Variants in SEMA6A observed in about 807,000 individuals in gnomAD.
SEMA6A encodes the protein semaphorin-6A.
In SEMA6A, 25 loss-of-function variants were observed where a neutral mutation model predicts 96.8. That is an observed-to-expected ratio of 0.26 (90% CI 0.19 to 0.36). The LOEUF (loss-of-function observed/expected upper bound fraction) is 0.36, where lower values mean the gene tolerates loss of function less well. Among genes scored for constraint, SEMA6A ranks in the 10% least tolerant of loss-of-function variants. The pLI, the probability that SEMA6A is intolerant of heterozygous loss-of-function variation, is 1.00. For synonymous variants in SEMA6A, 612 were observed against 518.0 expected, an observed-to-expected ratio of 1.18 and a Z score of -2.46; for missense variants, 1,363 against 1,323.1, an observed-to-expected ratio of 1.03 and a Z score of -0.47.
chr5:116,509,605 T>TGAGAGAGAGA (rs143399883), intron 1 of SEMA6A, among the ~76,000 whole-genome samples: 15 of 133,830 alleles, frequency 1.1e-4, no homozygotes, highest in African/African-American at 3.0e-4. Context: ...TCTCTGTGTG[T>TGAGAGAGAGA]GTGAGAGAGA....
At chr5:116,476,042 A>G (rs1303952447) in intron 15 of SEMA6A, among the ~76,000 whole-genome samples, 3 of 152,036 alleles carry the variant, frequency 2.0e-5, no homozygotes, top group Non-Finnish European at 4.4e-5. Flanking sequence ...TTGCCTAGAC[A>G]TTTATCTAGC....
At chr5:116,500,968 G>A (rs746050618) in intron 3 of SEMA6A, among the ~76,000 whole-genome samples, 3 of 152,056 alleles carry the variant, frequency 2.0e-5, no homozygotes, top group African/African-American at 4.8e-5. Flanking sequence ...CTGAGATCGC[G>A]CCACTGCACT....
intron 1 of SEMA6A, among the ~76,000 whole-genome samples, chr5:116,553,095 C>T (rs1760482370): frequency 6.6e-6 from 1 of 152,114 alleles, no homozygotes; most frequent in African/African-American, 2.4e-5. Flanking sequence ...GTACATACAG[C>T]ACATATGCAC....
intron 3 of SEMA6A, among the ~76,000 whole-genome samples, chr5:116,499,949 C>A (rs943104716): frequency 1.8e-4 from 27 of 152,144 alleles, no homozygotes; most frequent in African/African-American, 6.3e-4. Context: ...ATTTTTTCCC[C>A]CGGAAACTCA....
chr5:116,543,389 A>T (rs13362514), intron 1 of SEMA6A, among the ~76,000 whole-genome samples: 3,307 of 152,302 alleles, frequency 0.022, 105 homozygotes, highest in African/African-American at 0.076. Context: ...TTCACTGCAG[A>T]TGTGTATTAA....
intron 1 of SEMA6A, among the ~76,000 whole-genome samples, chr5:116,565,606 C>G (rs559582665): frequency 3.2e-4 from 49 of 152,334 alleles, no homozygotes; most frequent in African/African-American, 1.1e-3. Flanking sequence ...TTATCGCTCA[C>G]TATGCAGGAA....
intron 1 of SEMA6A, among the ~76,000 whole-genome samples, chr5:116,555,102 C>G (rs1760559566): frequency 1.3e-5 from 2 of 152,176 alleles, no homozygotes; most frequent in South Asian, 4.1e-4. Context: ...TCCCATTATC[C>G]AGCTCCAGAG....
At chr5:116,550,968 T>A (rs941868214) in intron 1 of SEMA6A, among the ~76,000 whole-genome samples, 2 of 152,120 alleles carry the variant, frequency 1.3e-5, no homozygotes, top group African/African-American at 2.4e-5. Context: ...AATCTAACAT[T>A]GTCAGAAGAG....
rs554423183 is a variant in SEMA6A, at chr5:116,504,391, A to G, written c.100+454T>C. Among the ~76,000 whole-genome samples, 87 of 152,326 alleles carry G rather than the reference A, an allele frequency of 5.7e-4. 1 individual carries two copies. Among genetic ancestry groups the G allele is most frequent in the African/African-American group, 1.9e-3 (79 of 41,566 alleles). ...CTATAAATTAATTTCTCTTTACCAA[A>G]GTCTATTAACTATGTAACTTCTAAG... is the stretch of plus-strand genomic sequence containing the variant. On this transcript the variant is annotated intron_variant, in intron 2 of 18. Transcript: ENST00000343348.
In SEMA6A at chr5:116,497,391, T is replaced by C. The variant is rs764261770; in HGVS notation, c.219-4A>G. On this transcript the variant is annotated splice_polypyrimidine_tract_variant and splice_region_variant and intron_variant, in intron 3 of 18. Coordinates refer to ENST00000343348, the MANE Select transcript of SEMA6A (RefSeq NM_020796.5). ...ATCAACAGTATAAATATGGTCCCTA[T>C]AGGCAAAGAAAAATTAATACAAGGT... 8 of 1,574,572 alleles carry C rather than the reference T, an allele frequency of 5.1e-6. No homozygotes were observed. The highest frequency in any genetic ancestry group is 1.1e-5 in the South Asian group (1 of 88,068).
intron 1 of SEMA6A, among the ~76,000 whole-genome samples, chr5:116,505,270 A>AT (rs1222445165): frequency 1.3e-5 from 2 of 152,138 alleles, no homozygotes; most frequent in African/African-American, 4.8e-5. Flanking sequence ...TTTCACAGTC[A>AT]TGAAACTCTG....
intron 6 of SEMA6A, among the ~76,000 whole-genome samples, chr5:116,493,998 G>A (rs924006664): frequency 2.0e-5 from 3 of 152,006 alleles, no homozygotes; most frequent in Non-Finnish European, 4.4e-5. Context: ...TTTCCTGTCT[G>A]AATTGGTGGC....
chr5:116,525,491 T>C (rs1456099375), intron 1 of SEMA6A, among the ~76,000 whole-genome samples: 1 of 152,190 alleles, frequency 6.6e-6, no homozygotes. Flanking sequence ...GAATTTTGTA[T>C]ACTTGTTTCC....
intron 1 of SEMA6A, among the ~76,000 whole-genome samples, chr5:116,530,988 T>G (rs1266977365): frequency 6.6e-6 from 1 of 152,172 alleles, no homozygotes; most frequent in Non-Finnish European, 1.5e-5. Flanking sequence ...ATAAGGAGAC[T>G]TCCCAAGGTC....
intron 1 of SEMA6A, among the ~76,000 whole-genome samples, chr5:116,516,888 A>G (rs1758690630): frequency 6.6e-6 from 1 of 152,168 alleles, no homozygotes. Context: ...CCGCACAAAC[A>G]GAACAGTCCT....
intron 6 of SEMA6A, among the ~76,000 whole-genome samples, chr5:116,493,788 T>A (rs2112740051): frequency 6.6e-6 from 1 of 152,354 alleles, no homozygotes; most frequent in African/African-American, 2.4e-5. Flanking sequence ...CACTTTATGA[T>A]GATGAAACCC....
At chr5:116,448,319 T>TA (rs1202597907) in intron 18 of SEMA6A, among the ~76,000 whole-genome samples, 22 of 152,170 alleles carry the variant, frequency 1.4e-4, no homozygotes, top group Admixed American at 5.2e-4. Context: ...TACTCCAGCC[T>TA]GGGTGACAGA....
intron 3 of SEMA6A, among the ~76,000 whole-genome samples, chr5:116,501,768 C>T (rs1243072402): frequency 6.6e-6 from 1 of 152,064 alleles, no homozygotes; most frequent in African/African-American, 2.4e-5. Flanking sequence ...ATGCCTGTTA[C>T]AACAGCTACT....
At chr5:116,491,663 A>G (rs1757331818) in intron 7 of SEMA6A, 77 bp downstream of exon 7, 1 of 1,078,970 alleles carries the variant, frequency 9.3e-7, no homozygotes. Context: ...GACTCCACGA[A>G]TCCTCTAGAG....
Sources: gnomAD v4.1 joint callset for allele counts (sites outside exome capture counted in the v4.1 genomes callset) on GRCh38, gnomAD v4.1.1 for gene constraint, MANE v1.5 for transcripts, NCBI Gene and HGNC (gene_info 2026-07-23, HGNC 2026-07-21) for gene names.